The following CACNG4 variants were observed in gnomAD, a reference collection of about 807,000 sequenced individuals.
CACNG4 encodes calcium voltage-gated channel auxiliary subunit gamma 4, also known as voltage-dependent calcium channel gamma-4 subunit.
In CACNG4, 8 loss-of-function variants were observed where a neutral mutation model predicts 22.9. That is an observed-to-expected ratio of 0.35 (90% CI 0.21 to 0.63). The LOEUF (loss-of-function observed/expected upper bound fraction) is 0.63, where lower values mean the gene tolerates loss of function less well. Among genes scored for constraint, CACNG4 ranks in the 30% least tolerant of loss-of-function variants. CACNG4 has a pLI of 0.72. For missense variants in CACNG4, 357 were observed against 455.4 expected, an observed-to-expected ratio of 0.78 and a Z score of 1.97; for synonymous variants, 188 against 191.9, an observed-to-expected ratio of 0.98 and a Z score of 0.17.
intron 1 of CACNG4, among the ~76,000 whole-genome samples, chr17:67,002,618 TTC>T (rs58727233): frequency 0.054 from 7,805 of 144,870 alleles, 621 homozygotes; most frequent in African/African-American, 0.18. Flanking sequence ...ATCTCTCTCT[TTC>T]TCTCTCTCTC....
At chr17:67,024,157 G>A (rs368555929) in intron 2 of CACNG4, among the ~76,000 whole-genome samples, 4 of 152,276 alleles carry the variant, frequency 2.6e-5, no homozygotes, top group South Asian at 4.1e-4. Context: ...CCTCCCCTGC[G>A]ACTTCAGGCC....
intron 1 of CACNG4, among the ~76,000 whole-genome samples, chr17:67,010,667 C>T (rs557126499): frequency 5.9e-5 from 9 of 152,252 alleles, no homozygotes; most frequent in African/African-American, 2.2e-4. Context: ...AGTCCTGTTA[C>T]CCCTCAGTTC....
At chr17:67,016,957 G>A (rs977450006) in intron 1 of CACNG4, among the ~76,000 whole-genome samples, 3 of 152,118 alleles carry the variant, frequency 2.0e-5, no homozygotes, top group Non-Finnish European at 2.9e-5. Context: ...CCAAGCAGAT[G>A]ATGGTCTCAG....
At chr17:66,995,766 C>G (rs930223779) in intron 1 of CACNG4, among the ~76,000 whole-genome samples, 2 of 152,086 alleles carry the variant, frequency 1.3e-5, no homozygotes, top group African/African-American at 2.4e-5. Context: ...AGGAGAATTG[C>G]TTGAACCCAG....
rs1348481028 is a variant in CACNG4 at position 67,027,455 on chromosome 17, G to A, written c.445+2455G>A. ...GCACTGATGGGGACTGAGCAGGGCA[G>A]CAGGCACTGAGTCATGTGTGGGGCC... On this transcript the variant is annotated intron_variant, in intron 3 of 3. Coordinates refer to ENST00000262138, the MANE Select transcript of CACNG4 (RefSeq NM_014405.4). The surrounding 1 kb of genome is among the most constrained non-coding windows in gnomAD (Gnocchi z 4.3). Among the ~76,000 whole-genome samples, 2 of 152,230 alleles carry A rather than the reference G, an allele frequency of 1.3e-5. No individual in the cohort carries two copies. The highest frequency in any genetic ancestry group is 4.8e-5 in the African/African-American group (2 of 41,470).
intron 1 of CACNG4, among the ~76,000 whole-genome samples, chr17:66,996,785 C>A (rs774134961): frequency 1.3e-5 from 2 of 152,122 alleles, no homozygotes; most frequent in African/African-American, 4.8e-5. Flanking sequence ...CGGGGAGACA[C>A]AATTTAGAAA....
Position 67,030,627 on chromosome 17 carries a change from G to A in CACNG4, c.607G>A (p.Val203Ile), listed in dbSNP as rs1227324723. The A allele has an allele frequency of 1.9e-6, 3 of 1,614,256 alleles. No homozygotes were observed. The highest frequency in any genetic ancestry group is 2.2e-5 in the East Asian group (1 of 44,888). Residue 203 changes from valine to isoleucine, a missense_variant, in exon 4 of 4, where the codon GTA becomes ATA. By Grantham distance (29) the Val-to-Ile change is conservative (BLOSUM62 3). Coordinates refer to ENST00000262138, the MANE Select transcript of CACNG4 (RefSeq NM_014405.4). The surrounding 1 kb of genome is among the most constrained non-coding windows in gnomAD (Gnocchi z 6.4). ...IVAETVGVLAVNIYIEKNKEL... is the reference protein window; with the variant it reads ...IVAETVGVLAINIYIEKNKEL... ...GGCTGAGACCGTGGGCGTCCTGGCT[G>A]TAAACATTTACATTGAGAAAAATAA... is the stretch of plus-strand genomic sequence containing the variant.
At position 67,030,885 on chromosome 17, in the gene CACNG4, G is replaced by A. The variant is rs375114114; in HGVS notation, c.865G>A (p.Ala289Thr). The change falls in exon 4 of 4, where the codon GCA (alanine) becomes ACA (threonine). Residue 289 changes from alanine (A) to threonine (T), a missense_variant. By Grantham distance (58) the Ala-to-Thr change is moderately conservative (BLOSUM62 0). Transcript: ENST00000262138. The surrounding 1 kb of genome is among the most constrained non-coding windows in gnomAD (Gnocchi z 6.4). ...LSREPLKVTT[A>T]ASYSPDQEAS... ...CAGGGAGCCCCTCAAGGTGACCACC[G>A]CAGCCAGCTACAGCCCCGACCAGGA... 135 of 1,612,604 alleles carry A rather than the reference G, an allele frequency of 8.4e-5. 2 individuals are homozygous for A. The South Asian group carries it at 1.3e-3, about 16-fold the overall frequency.
chr17:67,030,727 A>C lies in CACNG4; in HGVS notation c.707A>C (p.Tyr236Ser). 1.2e-6 allele frequency: 2 copies of C among 1,614,202 alleles called. No individual in the cohort carries two copies. The highest frequency in any genetic ancestry group is 1.7e-6 in the Non-Finnish European group (2 of 1,180,038). ...SSSPYARMPS[Y>S]RYRRRRSRSS... ...TCTCCTTATGCCAGGATGCCGAGCT[A>C]CAGGTACCGGCGACGGCGCTCGAGG... Residue 236 changes from tyrosine (Y) to serine (S), a missense_variant, in exon 4 of 4, where the codon TAC becomes TCC. This residue lies in a region of CACNG4 where 240 missense variants were observed against 277.6 expected (regional missense o/e 0.86). Coordinates refer to ENST00000262138, the MANE Select transcript of CACNG4 (RefSeq NM_014405.4). The surrounding 1 kb of genome is among the most constrained non-coding windows in gnomAD (Gnocchi z 6.4).
chr17:67,030,680 A>G lies in CACNG4; in HGVS notation c.660A>G (p.Glu220=), dbSNP rs1175411994. The change falls in exon 4 of 4, where the codon GAA becomes GAG. Residue 220 remains glutamate (E), a synonymous_variant. Transcript: ENST00000262138. This position sits in a 1 kb window ranked among gnomAD's most constrained non-coding sequence, Gnocchi z 6.4. ...NKELRFKTKR[E]FLKASSSSPY... ...AGTTGAGGTTTAAGACCAAACGGGA[A>G]TTCCTTAAGGCGTCTTCCTCTTCTC... 29 of 1,614,102 alleles carry G rather than the reference A, an allele frequency of 1.8e-5. No individual in the cohort carries two copies. The highest frequency in any genetic ancestry group is 2.5e-5 in the Non-Finnish European group (29 of 1,180,040).
intron 1 of CACNG4, among the ~76,000 whole-genome samples, chr17:66,998,413 G>A (rs1182656736): frequency 2.0e-5 from 3 of 151,972 alleles, no homozygotes; most frequent in Non-Finnish European, 4.4e-5. Flanking sequence ...TGTAGAGATG[G>A]GGTCTCACTC....
At chr17:67,016,441 G>A (rs2035498064) in intron 1 of CACNG4, among the ~76,000 whole-genome samples, 1 of 152,128 alleles carries the variant, frequency 6.6e-6, no homozygotes, top group Admixed American at 6.5e-5. Context: ...CCCAATGGAG[G>A]AAAGAGCTTG....
At chr17:66,988,325 G>A (rs1353138194) in intron 1 of CACNG4, among the ~76,000 whole-genome samples, 2 of 152,148 alleles carry the variant, frequency 1.3e-5, no homozygotes, top group Non-Finnish European at 2.9e-5. Flanking sequence ...CCGGTCATCA[G>A]AACTATTGTG....
chr17:67,022,684 A>G (rs752287715), intron 2 of CACNG4, among the ~76,000 whole-genome samples: 29 of 152,228 alleles, frequency 1.9e-4, no homozygotes, highest in Non-Finnish European at 3.2e-4. Flanking sequence ...GGCGCCTGCC[A>G]GTGCGGCCCG....
chr17:66,978,050 C>G (rs1263329718), intron 1 of CACNG4, among the ~76,000 whole-genome samples: 1 of 152,186 alleles, frequency 6.6e-6, no homozygotes, highest in Non-Finnish European at 1.5e-5. Flanking sequence ...ACATCTGTCT[C>G]ACCATAGACC....
chr17:67,018,083 C>G, intron 1 of CACNG4, 106 bp from the exon 2 acceptor site: 1 of 826,370 alleles, frequency 1.2e-6, no homozygotes, highest in South Asian at 1.5e-5. Flanking sequence ...CTGTCTGTCC[C>G]CAGGACCTGC....
chr17:67,011,651 A>G lies in CACNG4; in HGVS notation c.221-6538A>G, dbSNP rs990008149. Among the ~76,000 whole-genome samples the G allele has an allele frequency of 4.6e-5, 7 of 150,794 alleles. No homozygotes were observed. In the South Asian group the frequency reaches 1.1e-3, roughly 23 times the overall value. ...AATGAATGAATGAATGAATGAATGAATGAGTGAGATGAGTAAACAGTGACA... is the reference window on the plus strand; with the variant it reads ...AATGAATGAATGAATGAATGAATGAGTGAGTGAGATGAGTAAACAGTGACA... On this transcript the variant is annotated intron_variant, in intron 1 of 3. Transcript: ENST00000262138.
intron 1 of CACNG4, among the ~76,000 whole-genome samples, chr17:66,995,408 A>C (rs1890130693): frequency 6.6e-6 from 1 of 152,172 alleles, no homozygotes; most frequent in African/African-American, 2.4e-5. Context: ...CCAGCTAAGC[A>C]AAAGGGAGGC....
chr17:67,013,950 T>C (rs925557556), intron 1 of CACNG4, among the ~76,000 whole-genome samples: 1 of 152,114 alleles, frequency 6.6e-6, no homozygotes. Context: ...ATTTACAAAA[T>C]AGTCATAGAA....
Sources: allele counts gnomAD v4.1 joint callset (sites outside exome capture counted in the v4.1 genomes callset), GRCh38; gene constraint gnomAD v4.1.1; regional missense constraint gnomAD v4.1.1; non-coding constraint Gnocchi (gnomAD v3.1); transcripts MANE v1.5; gene names NCBI Gene and HGNC (gene_info 2026-07-23, HGNC 2026-07-21).